The following CDH13 variants were observed in gnomAD, a reference collection of about 807,000 sequenced individuals.
The protein encoded by CDH13 is cadherin-13.
In CDH13, 24 loss-of-function variants were observed where a neutral mutation model predicts 63.8. That is an observed-to-expected ratio of 0.38 (90% CI 0.27 to 0.53). The LOEUF is 0.53. Ranked by LOEUF, CDH13 falls within the 20% of genes least tolerant of loss-of-function variation. The probability of loss-of-function intolerance (pLI) is 0.85; values close to 1 mark genes in which losing one functional copy is unlikely to be tolerated. For missense variants in CDH13, 1,049 were observed against 903.1 expected, an observed-to-expected ratio of 1.16 and a Z score of -2.07; for synonymous variants, 503 against 355.3, an observed-to-expected ratio of 1.42 and a Z score of -4.67.
chr16:83,586,076 C>G (rs1022420514), intron 7 of CDH13, among the ~76,000 whole-genome samples: 2 of 152,220 alleles, frequency 1.3e-5, no homozygotes, highest in African/African-American at 4.8e-5. Flanking sequence ...AATACTATTT[C>G]CAACATGTAG....
chr16:83,208,470 G>GTT (rs35549606), intron 4 of CDH13, among the ~76,000 whole-genome samples: 7 of 147,320 alleles, frequency 4.8e-5, no homozygotes, highest in African/African-American at 1.7e-4. Flanking sequence ...AGGCAACAGT[G>GTT]TTTTTTTTTT....
intron 1 of CDH13, among the ~76,000 whole-genome samples, chr16:82,635,045 G>A (rs1050906770): frequency 1.3e-5 from 2 of 152,194 alleles, no homozygotes; most frequent in Non-Finnish European, 2.9e-5. Context: ...ACTGTGATGA[G>A]GGAAGAAAGC....
At chr16:82,910,735 A>T (rs527450938) in intron 2 of CDH13, among the ~76,000 whole-genome samples, 1 of 152,286 alleles carries the variant, frequency 6.6e-6, no homozygotes, top group African/African-American at 2.4e-5. Flanking sequence ...CATATTTCTC[A>T]TATGATTCAC....
chr16:83,121,016 C>A (rs1476707694), intron 3 of CDH13, among the ~76,000 whole-genome samples: 2 of 152,148 alleles, frequency 1.3e-5, no homozygotes, highest in African/African-American at 4.8e-5. Context: ...CCCGCCTCGG[C>A]CTCCCAAAGT....
chr16:82,692,640 T>C (rs1265778147), intron 1 of CDH13, among the ~76,000 whole-genome samples: 1 of 152,154 alleles, frequency 6.6e-6, no homozygotes, highest in Admixed American at 6.5e-5. Flanking sequence ...CCAGACCACA[T>C]CAGAAACCTT....
chr16:83,106,965 G>C lies in CDH13; in HGVS notation c.367-18420G>C, dbSNP rs957199834. The stretch of plus-strand genomic sequence containing the variant: ...CAACATATAGTGCATCCCTCCTACC[G>C]AATGCTAAGCTAAAACTCTGGGCAG... On this transcript the variant is annotated intron_variant, in intron 3 of 13. Transcript: ENST00000567109. 2.0e-5 allele frequency among the ~76,000 whole-genome samples: 3 copies of C among 151,790 alleles called. No homozygotes were observed. The East Asian group carries it at 5.8e-4, about 29-fold the overall frequency.
At chr16:82,998,374 C>G (rs889427427) in intron 2 of CDH13, among the ~76,000 whole-genome samples, 6 of 152,142 alleles carry the variant, frequency 3.9e-5, no homozygotes, top group African/African-American at 7.2e-5. Context: ...CATAAATAAG[C>G]AAGAGTATCA....
chr16:83,599,639 C>G (rs1035299260), intron 7 of CDH13, among the ~76,000 whole-genome samples: 1 of 151,866 alleles, frequency 6.6e-6, no homozygotes, highest in Non-Finnish European at 1.5e-5. Flanking sequence ...TAATAGAAGA[C>G]AAGTAAATTA....
At chr16:83,558,569 A>G (rs1212011694) in intron 7 of CDH13, among the ~76,000 whole-genome samples, 1 of 152,204 alleles carries the variant, frequency 6.6e-6, no homozygotes, top group Non-Finnish European at 1.5e-5. Flanking sequence ...TTATATTTAA[A>G]ATCTACATCT....
In CDH13 at chr16:83,797,809, A is replaced by C. The variant is rs1904289768; in HGVS notation, c.*2779A>C. ...GTCACACCTTCACTTCTTTTTATTA[A>C]TACTCAACCAACTTAGTTGATTAAA... On this transcript the variant is annotated 3_prime_UTR_variant, in exon 14 of 14. Transcript: ENST00000567109. 1 of 152,218 alleles carries C rather than the reference A, an allele frequency of 6.6e-6. No individual in the cohort carries two copies. The highest frequency in any genetic ancestry group is 1.5e-5 in the Non-Finnish European group (1 of 68,044). The allele number at this position is 152,218 out of a possible 1,614,324, so 9.4% of individuals were successfully genotyped here. A position where few individuals can be genotyped will look rare whatever the true frequency, so the allele number is the denominator to read the frequency against.
intron 5 of CDH13, among the ~76,000 whole-genome samples, chr16:83,248,740 C>T (rs978123077): frequency 2.6e-5 from 4 of 152,088 alleles, no homozygotes; most frequent in Admixed American, 6.5e-5. Context: ...CATTATCTTC[C>T]ATTTCTCATT....
chr16:83,672,938 G>A (rs760960175), intron 9 of CDH13, among the ~76,000 whole-genome samples: 3 of 152,164 alleles, frequency 2.0e-5, no homozygotes, highest in Non-Finnish European at 4.4e-5. Context: ...TTACAGCTTC[G>A]AAAGTGCAAC....
chr16:83,574,861 C>A (rs551837358), intron 7 of CDH13, among the ~76,000 whole-genome samples: 1 of 152,138 alleles, frequency 6.6e-6, no homozygotes, highest in Non-Finnish European at 1.5e-5. Flanking sequence ...AAAACTCCAA[C>A]CCATGAAAAG....
intron 7 of CDH13, among the ~76,000 whole-genome samples, chr16:83,512,412 T>C (rs1026209710): frequency 6.6e-6 from 1 of 150,562 alleles, no homozygotes; most frequent in Non-Finnish European, 1.5e-5. Context: ...GGCTCATGCC[T>C]GTAATCCCAG....
intron 8 of CDH13, among the ~76,000 whole-genome samples, chr16:83,620,133 C>T (rs948023592): frequency 1.3e-5 from 2 of 152,156 alleles, no homozygotes; most frequent in Non-Finnish European, 2.9e-5. Context: ...TGGCTCACGC[C>T]TGTAATCCCA....
intron 2 of CDH13, among the ~76,000 whole-genome samples, chr16:82,919,117 A>AT (rs1298502319): frequency 6.6e-6 from 1 of 152,082 alleles, no homozygotes; most frequent in Admixed American, 6.5e-5. Context: ...AAGAATATCA[A>AT]TTTTTTGTTG....
chr16:82,970,713 T>C (rs934639466), intron 2 of CDH13, among the ~76,000 whole-genome samples: 2 of 152,174 alleles, frequency 1.3e-5, no homozygotes, highest in African/African-American at 4.8e-5. Flanking sequence ...TGTTTGAGTG[T>C]AAGGCAGAGC....
chr16:82,754,109 A>G (rs546596565), intron 1 of CDH13, among the ~76,000 whole-genome samples: 147 of 152,310 alleles, frequency 9.7e-4, no homozygotes, highest in African/African-American at 3.5e-3. Context: ...TGCCATGTGT[A>G]GTTCATGGCG....
intron 5 of CDH13, among the ~76,000 whole-genome samples, chr16:83,320,399 C>G (rs950815750): frequency 6.6e-6 from 1 of 152,104 alleles, no homozygotes; most frequent in African/African-American, 2.4e-5. Flanking sequence ...GTCCCAAGAC[C>G]AATCTAGGAA....
Sources: gnomAD v4.1 joint callset for allele counts (sites outside exome capture counted in the v4.1 genomes callset) on GRCh38, gnomAD v4.1.1 for gene constraint, MANE v1.5 for transcripts, NCBI Gene and HGNC (gene_info 2026-07-23, HGNC 2026-07-21) for gene names.